Variants in ASCC3 observed in about 807,000 individuals in gnomAD.
The protein encoded by ASCC3 is ASC-1 complex subunit P200.
ASCC3 carries 158 observed loss-of-function variants against 256.3 expected under a neutral mutation model. The ratio of observed to expected loss-of-function variants is 0.62; its 90% CI spans 0.54 to 0.70. The LOEUF (loss-of-function observed/expected upper bound fraction) is 0.70, where lower values mean the gene tolerates loss of function less well. Ranked by LOEUF, ASCC3 falls within the 30% of genes least tolerant of loss-of-function variation. The probability of loss-of-function intolerance (pLI) is 0.00; values close to 1 mark genes in which losing one functional copy is unlikely to be tolerated. For missense variants in ASCC3, 2,259 were observed against 2,626.0 expected (o/e 0.86, Z 3.05); for synonymous variants, 948 against 883.4 (o/e 1.07, Z -1.30).
intron 30 of ASCC3, among the ~76,000 whole-genome samples, chr6:100,623,148 T>C (rs944535504): frequency 2.6e-5 from 4 of 152,150 alleles, no homozygotes; most frequent in Non-Finnish European, 5.9e-5. Context: ...TAAGTTATGA[T>C]ACTACCTTAG....
chr6:100,560,068 C>T (rs184163642), intron 36 of ASCC3, among the ~76,000 whole-genome samples: 25 of 152,196 alleles, frequency 1.6e-4, no homozygotes, highest in Admixed American at 3.3e-4. Context: ...ACCTGTCAAT[C>T]AAATAGCTAA....
At chr6:100,752,126 AG>A (rs1205708964) in intron 10 of ASCC3, among the ~76,000 whole-genome samples, 1 of 152,060 alleles carries the variant, frequency 6.6e-6, no homozygotes, top group Non-Finnish European at 1.5e-5. Context: ...AAACCTGTTT[AG>A]TTTTCCTGGA....
intron 16 of ASCC3, among the ~76,000 whole-genome samples, chr6:100,656,114 T>A (rs183325002): frequency 1.1e-4 from 16 of 151,620 alleles, no homozygotes; most frequent in Admixed American, 5.2e-4. Flanking sequence ...ATTAAGGACA[T>A]TTGTTATTTT....
At chr6:100,570,327 G>C (rs1770521863) in intron 36 of ASCC3, among the ~76,000 whole-genome samples, 1 of 152,166 alleles carries the variant, frequency 6.6e-6, no homozygotes, top group Admixed American at 6.5e-5. Context: ...TGTTAAACAG[G>C]AATGGTGAGA....
chr6:100,755,088 G>A (rs970926963), intron 10 of ASCC3, among the ~76,000 whole-genome samples: 1 of 151,712 alleles, frequency 6.6e-6, no homozygotes, highest in Non-Finnish European at 1.5e-5. Context: ...GCAAATAAGT[G>A]AGAACATGTG....
chr6:100,827,030 G>A (rs1026775128), intron 4 of ASCC3, among the ~76,000 whole-genome samples: 2 of 152,172 alleles, frequency 1.3e-5, no homozygotes, highest in African/African-American at 4.8e-5. Context: ...AGCAAATACA[G>A]AATACATCAA....
chr6:100,659,815 G>A (rs1216857463), intron 16 of ASCC3, among the ~76,000 whole-genome samples: 2 of 151,370 alleles, frequency 1.3e-5, no homozygotes, highest in Non-Finnish European at 3.0e-5. Context: ...GCATTCATGC[G>A]TTTTAAGATA....
intron 10 of ASCC3, among the ~76,000 whole-genome samples, chr6:100,743,524 A>G (rs1468418135): frequency 3.3e-5 from 5 of 151,906 alleles, no homozygotes; most frequent in African/African-American, 9.7e-5. Flanking sequence ...TTACTCCCTT[A>G]TCTCCCATAA....
intron 10 of ASCC3, among the ~76,000 whole-genome samples, chr6:100,729,422 G>A (rs753718143): frequency 4.3e-4 from 66 of 152,300 alleles, no homozygotes; most frequent in Non-Finnish European, 7.9e-4. Flanking sequence ...CTATGCTTCA[G>A]TTTTTCTTTA....
chr6:100,875,721 A>C (rs1212294319), intron 1 of ASCC3, among the ~76,000 whole-genome samples: 1 of 149,024 alleles, frequency 6.7e-6, no homozygotes, highest in Non-Finnish European at 1.5e-5. Context: ...ACAGAAAAGA[A>C]AGTTTCAAAT....
chr6:100,855,109 C>CG (rs1772876648), intron 3 of ASCC3, among the ~76,000 whole-genome samples: 1 of 109,028 alleles, frequency 9.2e-6, no homozygotes. Context: ...TTGTCAAGAA[C>CG]CTTTTTTTTT....
At chr6:100,514,088 C>A (rs537502219) in intron 39 of ASCC3, among the ~76,000 whole-genome samples, 1 of 152,190 alleles carries the variant, frequency 6.6e-6, no homozygotes, top group Admixed American at 6.5e-5. Context: ...ATGAACCAAA[C>A]TACCCCTTAG....
chr6:100,857,874 GCACACATACACACACACACA>G (rs1773029817), intron 3 of ASCC3: 1 of 97,086 alleles, frequency 1.0e-5, no homozygotes, highest in African/African-American at 3.9e-5. Context: ...ACACACACAT[GCACACATACACACACACACA>G]CACACACACC....
Position 100,627,446 on chromosome 6 carries a change from C to G in ASCC3, c.4642+144G>C, listed in dbSNP as rs532369247. The G allele has an allele frequency of 4.2e-4, 452 of 1,084,972 alleles. 2 individuals are homozygous for G. Among genetic ancestry groups the G allele is most frequent in the Middle Eastern group, 3.0e-4 (1 of 3,382 alleles). 67.2% of individuals were successfully genotyped at this position (1,084,972 alleles called of 1,614,324 possible). A position where few individuals can be genotyped will look rare whatever the true frequency, so the allele number is the denominator to read the frequency against. On this transcript the variant is annotated intron_variant, in intron 29 of 41. Coordinates refer to ENST00000369162, the MANE Select transcript of ASCC3 (RefSeq NM_006828.4). ...GGTAATTTAACATATATTTGTATTCCTTAACAGTTGAGACAAACAGTTTTA... is the reference window on the plus strand; with the variant it reads ...GGTAATTTAACATATATTTGTATTCGTTAACAGTTGAGACAAACAGTTTTA...
intron 24 of ASCC3, among the ~76,000 whole-genome samples, chr6:100,639,916 A>G (rs1775032268): frequency 6.6e-6 from 1 of 152,124 alleles, no homozygotes; most frequent in South Asian, 2.1e-4. Flanking sequence ...GGAGTTCGAG[A>G]ACAGCCTGGC....
intron 13 of ASCC3, among the ~76,000 whole-genome samples, chr6:100,704,542 TAAG>T (rs1778493493): frequency 1.3e-5 from 2 of 152,024 alleles, no homozygotes; most frequent in African/African-American, 4.8e-5. Flanking sequence ...ATAATTAAAC[TAAG>T]AAATAATGAT....
intron 4 of ASCC3, among the ~76,000 whole-genome samples, chr6:100,818,068 T>C (rs1429140683): frequency 6.6e-6 from 1 of 152,178 alleles, no homozygotes; most frequent in African/African-American, 2.4e-5. Context: ...GTGAGATTAA[T>C]GTCAGGGATA....
At chr6:100,511,713 A>C (rs1773772625) in intron 40 of ASCC3, among the ~76,000 whole-genome samples, 1 of 149,316 alleles carries the variant, frequency 6.7e-6, no homozygotes, top group African/African-American at 2.5e-5. Flanking sequence ...ACTTCGTATC[A>C]AAAAAAAAAG....
At chr6:100,749,131 G>A (rs567562923) in intron 10 of ASCC3, among the ~76,000 whole-genome samples, 2 of 152,106 alleles carry the variant, frequency 1.3e-5, no homozygotes, top group South Asian at 4.2e-4. Flanking sequence ...TAGTTTTTGA[G>A]ATATTCTTTT....
Sources: allele counts gnomAD v4.1 joint callset (sites outside exome capture counted in the v4.1 genomes callset), GRCh38; gene constraint gnomAD v4.1.1; transcripts MANE v1.5; gene names NCBI Gene and HGNC (gene_info 2026-07-23, HGNC 2026-07-21).